The following PARD3B variants were observed in gnomAD, a reference collection of about 807,000 sequenced individuals.
PARD3B encodes the protein partitioning defective 3 homolog B.
In PARD3B, 103 loss-of-function variants were observed where a neutral mutation model predicts 130.2. That is an observed-to-expected ratio of 0.79 (90% CI 0.67 to 0.93). The LOEUF (loss-of-function observed/expected upper bound fraction) is 0.93. Among genes scored for constraint, PARD3B ranks in the 40% least tolerant of loss-of-function variants. PARD3B has a pLI of 0.00. For missense variants in PARD3B, 1,609 were observed against 1,499.2 expected (o/e 1.07, Z -1.21); for synonymous variants, 583 against 553.2 (o/e 1.05, Z -0.76).
chr2:205,473,707 TATACAC>T lies in PARD3B; in HGVS notation c.3045-26187_3045-26182del, dbSNP rs1432714825. 8.7e-6 allele frequency among the ~76,000 whole-genome samples: 1 copy of T among 114,714 alleles called. No homozygotes were observed. Among genetic ancestry groups the T allele is most frequent in the East Asian group, 2.0e-4 (1 of 4,996 alleles). 75.3% of individuals were successfully genotyped at this position (114,714 alleles called of 152,430 possible). On this transcript the variant is annotated intron_variant, in intron 20 of 22. Coordinates refer to ENST00000406610, the MANE Select transcript of PARD3B (RefSeq NM_001302769.2). The surrounding 1 kb of genome is among the most constrained non-coding windows in gnomAD (Gnocchi z 4.9). ...ATGTATATATATATATATATATATA[TATACAC>T]ACACACGTATATAAAACCCTAAATA... is the stretch of plus-strand genomic sequence containing the variant.
At chr2:204,558,399 A>G (rs1048862457) in intron 1 of PARD3B, among the ~76,000 whole-genome samples, 4 of 152,234 alleles carry the variant, frequency 2.6e-5, no homozygotes, top group South Asian at 2.1e-4. Flanking sequence ...CTATACACCA[A>G]TAACAGACAA....
chr2:204,995,345 A>G (rs1485009322), intron 3 of PARD3B, among the ~76,000 whole-genome samples: 3 of 147,374 alleles, frequency 2.0e-5, no homozygotes, highest in Admixed American at 2.0e-4. Flanking sequence ...TATGAAGCTT[A>G]GTTTGGCTGG....
At chr2:205,191,323 A>T (rs1404544631) in intron 14 of PARD3B, among the ~76,000 whole-genome samples, 2 of 152,180 alleles carry the variant, frequency 1.3e-5, no homozygotes, top group African/African-American at 4.8e-5. Flanking sequence ...TTAAAGAGTC[A>T]TAAATTCTAT....
chr2:205,085,395 GT>G (rs1701683137), intron 4 of PARD3B, among the ~76,000 whole-genome samples: 1 of 151,748 alleles, frequency 6.6e-6, no homozygotes, highest in African/African-American at 2.4e-5. Flanking sequence ...GAATCTCCGT[GT>G]TTCATTATTT....
Position 205,564,333 on chromosome 2 carries a change from C to T in PARD3B, c.3260+10930C>T, listed in dbSNP as rs1414657313. On this transcript the variant is annotated intron_variant, in intron 22 of 22. Transcript: ENST00000406610. This position sits in a 1 kb window ranked among gnomAD's most constrained non-coding sequence, Gnocchi z 4.6. Reference sequence around the variant, plus strand: ...AATGAGCATTTCAATGGATAAACCCCTTATAGGCTTTCAGAATGACTAAGA... The same window carrying T: ...AATGAGCATTTCAATGGATAAACCCTTTATAGGCTTTCAGAATGACTAAGA... 6.6e-6 allele frequency among the ~76,000 whole-genome samples: 1 copy of T among 152,140 alleles called. No individual in the cohort carries two copies. The highest frequency in any genetic ancestry group is 1.5e-5 in the Non-Finnish European group (1 of 68,024).
intron 2 of PARD3B, among the ~76,000 whole-genome samples, chr2:204,918,636 A>G (rs1294816206): frequency 6.3e-5 from 6 of 95,830 alleles, no homozygotes; most frequent in African/African-American, 1.8e-4. Context: ...TCTCAAAAAA[A>G]AAAAAAAAAA....
At chr2:205,144,219 G>A (rs2033183034) in intron 10 of PARD3B, among the ~76,000 whole-genome samples, 1 of 152,156 alleles carries the variant, frequency 6.6e-6, no homozygotes, top group African/African-American at 2.4e-5. Context: ...CAGGCATGTG[G>A]TGGTCCAAGG....
intron 2 of PARD3B, among the ~76,000 whole-genome samples, chr2:204,863,839 A>T (rs953405925): frequency 6.6e-6 from 1 of 152,194 alleles, no homozygotes; most frequent in African/African-American, 2.4e-5. Context: ...ACAGACACCG[A>T]TTTTCATGTT....
At chr2:204,828,714 A>C (rs1199578958) in intron 2 of PARD3B, among the ~76,000 whole-genome samples, 1 of 152,220 alleles carries the variant, frequency 6.6e-6, no homozygotes, top group Non-Finnish European at 1.5e-5. Flanking sequence ...GAGGAAGATT[A>C]ATCTTTGATC....
intron 2 of PARD3B, among the ~76,000 whole-genome samples, chr2:204,791,446 G>A (rs1156559149): frequency 6.6e-6 from 1 of 152,198 alleles, no homozygotes; most frequent in Non-Finnish European, 1.5e-5. Context: ...GGAAACATTG[G>A]TGGTTTACAG....
intron 22 of PARD3B, among the ~76,000 whole-genome samples, chr2:205,599,202 C>T (rs1284936785): frequency 6.6e-6 from 1 of 152,100 alleles, no homozygotes; most frequent in Non-Finnish European, 1.5e-5. Context: ...TTATATAAAC[C>T]TCACTTAGTA....
chr2:205,233,680 A>G (rs1559568824), intron 15 of PARD3B, among the ~76,000 whole-genome samples: 1 of 152,172 alleles, frequency 6.6e-6, no homozygotes, highest in Non-Finnish European at 1.5e-5. Context: ...TAAGTAAAAA[A>G]TGTGTTGCTA....
At chr2:205,611,293 C>T (rs1377780589) in intron 22 of PARD3B, among the ~76,000 whole-genome samples, 1 of 152,166 alleles carries the variant, frequency 6.6e-6, no homozygotes, top group Non-Finnish European at 1.5e-5. Flanking sequence ...CAGTATTGAG[C>T]CCTTTCCCTA....
chr2:205,025,859 A>G (rs1346155675), intron 3 of PARD3B, among the ~76,000 whole-genome samples: 2 of 152,166 alleles, frequency 1.3e-5, no homozygotes, highest in Non-Finnish European at 2.9e-5. Context: ...TTGAGTCAGC[A>G]ACCTGTATTT....
chr2:205,190,074 A>G (rs1574334820), intron 14 of PARD3B, among the ~76,000 whole-genome samples: 1 of 152,220 alleles, frequency 6.6e-6, no homozygotes, highest in South Asian at 2.1e-4. Flanking sequence ...TCTTGATTAT[A>G]TGCCAACATT....
rs1278440399 is a variant in PARD3B, at chr2:205,142,047, C to G, written c.1434+16310C>G. Among the ~76,000 whole-genome samples, 1 of 152,056 alleles carries G rather than the reference C, an allele frequency of 6.6e-6. No individual in the cohort carries two copies. The highest frequency in any genetic ancestry group is 2.4e-5 in the African/African-American group (1 of 41,386). On this transcript the variant is annotated intron_variant, in intron 10 of 22. Transcript: ENST00000406610. The surrounding 1 kb of genome is among the most constrained non-coding windows in gnomAD (Gnocchi z 4.3). ...CATAAAAATGGAGTGGTCTCTGTTG[C>G]CCTTAAAGTCCTTAAAGATGTACAT... is the stretch of plus-strand genomic sequence containing the variant.
At chr2:205,205,969 T>C (rs1353653402) in intron 15 of PARD3B, among the ~76,000 whole-genome samples, 1 of 152,092 alleles carries the variant, frequency 6.6e-6, no homozygotes, top group Non-Finnish European at 1.5e-5. Flanking sequence ...ATAACATGAG[T>C]TAGGGAGGAT....
chr2:204,687,865 G>A (rs1483382119), intron 2 of PARD3B, among the ~76,000 whole-genome samples: 1 of 152,144 alleles, frequency 6.6e-6, no homozygotes, highest in Non-Finnish European at 1.5e-5. Context: ...GTTTAGGAAG[G>A]ACGAGAAGAA....
chr2:205,016,590 G>A (rs7560056), intron 3 of PARD3B, among the ~76,000 whole-genome samples: 11,757 of 152,214 alleles, frequency 0.077, 567 homozygotes, highest in Non-Finnish European at 0.1. Flanking sequence ...GAAAGTAGGG[G>A]TACTCTGATT....
Sources: allele counts gnomAD v4.1 joint callset (sites outside exome capture counted in the v4.1 genomes callset), GRCh38; gene constraint gnomAD v4.1.1; non-coding constraint Gnocchi (gnomAD v3.1); transcripts MANE v1.5; gene names NCBI Gene and HGNC (gene_info 2026-07-23, HGNC 2026-07-21).